CCDC186: variants seen among roughly 807,000 people sequenced by gnomAD.
CCDC186 encodes coiled-coil domain containing 186.
In CCDC186, 49 loss-of-function variants were observed where a neutral mutation model predicts 113.7. That is an observed-to-expected ratio of 0.43 (90% confidence interval 0.34 to 0.55). The LOEUF is 0.55. Among genes scored for constraint, CCDC186 ranks in the 20% least tolerant of loss-of-function variants. CCDC186 has a pLI of 0.02. For missense variants in CCDC186, 890 were observed against 1,011.1 expected (o/e 0.88, Z 1.62); for synonymous variants, 355 against 345.8 (o/e 1.03, Z -0.30).
chr10:114,168,648 A>G (rs2032403315), intron 1 of CCDC186, among the ~76,000 whole-genome samples: 1 of 152,014 alleles, frequency 6.6e-6, no homozygotes, highest in African/African-American at 2.4e-5. Flanking sequence ...CGACCCAACC[A>G]ATCAGCATTC....
At chr10:114,130,864 T>C (rs528369236) in intron 12 of CCDC186, among the ~76,000 whole-genome samples, 6 of 152,302 alleles carry the variant, frequency 3.9e-5, no homozygotes, top group Non-Finnish European at 7.4e-5. Context: ...GCACTTTTTA[T>C]TGACAGGAGT....
rs148914373 is a variant in CCDC186, at chr10:114,139,085, A to G, written c.1222-1795T>C. ...TAGCTTCTCGATAGCGACTAACTCA[A>G]TACTTGCCACATATTAATTGTTCGA... is the stretch of plus-strand genomic sequence containing the variant. On this transcript the variant is annotated intron_variant, in intron 6 of 15. Coordinates refer to ENST00000369287, the MANE Select transcript of CCDC186 (RefSeq NM_018017.4). Among the ~76,000 whole-genome samples, 1,012 of 152,324 alleles carry G rather than the reference A, an allele frequency of 6.6e-3. 3 individuals are homozygous for G. The highest frequency in any genetic ancestry group is 0.011 in the Non-Finnish European group (719 of 68,024).
At chr10:114,142,090 A>C (rs1052557675) in intron 6 of CCDC186, among the ~76,000 whole-genome samples, 1 of 152,232 alleles carries the variant, frequency 6.6e-6, no homozygotes, top group African/African-American at 2.4e-5. Context: ...GCAAATAAGA[A>C]GCCCATTCTG....
chr10:114,126,204 T>C, intron 14 of CCDC186, 99 bp from the exon 15 acceptor site: 2 of 866,966 alleles, frequency 2.3e-6, no homozygotes, highest in Non-Finnish European at 3.6e-6. Flanking sequence ...ATAAAATAAA[T>C]ATTAGGTTAA....
chr10:114,139,822 A>G (rs659280), intron 6 of CCDC186, among the ~76,000 whole-genome samples: 32,180 of 152,118 alleles, frequency 0.21, 3,772 homozygotes, highest in African/African-American at 0.31. Flanking sequence ...AACTTTATAT[A>G]TGTTTTTCTA....
intron 3 of CCDC186, among the ~76,000 whole-genome samples, chr10:114,156,199 TAC>T (rs1301609857): frequency 1.3e-5 from 2 of 152,234 alleles, no homozygotes; most frequent in Non-Finnish European, 2.9e-5. Flanking sequence ...ATTTTACAAA[TAC>T]AGTCACCTTC....
At chr10:114,172,476 C>T (rs983060112) in intron 1 of CCDC186, among the ~76,000 whole-genome samples, 3 of 152,192 alleles carry the variant, frequency 2.0e-5, no homozygotes, top group African/African-American at 7.2e-5. Flanking sequence ...CTGTGATACA[C>T]ACCAGCCAAC....
intron 10 of CCDC186, 67 bp from the exon 11 acceptor site, chr10:114,132,251 A>G (rs1310317568): frequency 8.7e-7 from 1 of 1,150,790 alleles, no homozygotes; most frequent in African/African-American, 1.6e-5. Flanking sequence ...ATGGTTTGGG[A>G]ATTTTCATCT....
intron 13 of CCDC186, 38 bp downstream of exon 13, chr10:114,129,853 C>A (rs769030544): frequency 8.0e-5 from 127 of 1,582,310 alleles, no homozygotes; most frequent in Non-Finnish European, 1.0e-4. Context: ...ATTTTTATAT[C>A]AATCATGAAA....
At chr10:114,152,572 C>T (rs1378145030) in intron 3 of CCDC186, among the ~76,000 whole-genome samples, 2 of 151,782 alleles carry the variant, frequency 1.3e-5, no homozygotes, top group Non-Finnish European at 2.9e-5. Context: ...CAAAAGAAGG[C>T]AGTGAAGGAG....
At chr10:114,165,465 G>A (rs1219450801) in intron 1 of CCDC186, among the ~76,000 whole-genome samples, 1 of 151,684 alleles carries the variant, frequency 6.6e-6, no homozygotes, top group Non-Finnish European at 1.5e-5. Context: ...AGGCCAAGGA[G>A]GGCAGATCAC....
At position 114,131,955 on chromosome 10, in the gene CCDC186, G is replaced by T. The variant is rs1454631559; in HGVS notation, c.1885C>A (p.Gln629Lys). The change falls in exon 11 of 16, where the codon CAA (glutamine) becomes AAA (lysine). Residue 629 changes from glutamine to lysine, a missense_variant. Gln to Lys is a moderately conservative substitution (Grantham distance 53). Transcript: ENST00000369287. ...AAATTAATATTTGTCTGTTTCATTTGTTCACACTGGCTTTGTAACTGACTT... is the reference window on the plus strand; with the variant it reads ...AAATTAATATTTGTCTGTTTCATTTTTTCACACTGGCTTTGTAACTGACTT... ...SESQLQSQCEQMKQTNINLES... is the reference protein window; with the variant it reads ...SESQLQSQCEKMKQTNINLES... The T allele has an allele frequency of 3.1e-6, 5 of 1,609,766 alleles. No homozygotes were observed. Among genetic ancestry groups the T allele is most frequent in the Middle Eastern group, 3.3e-4 (2 of 6,048 alleles).
intron 10 of CCDC186, 111 bp downstream of exon 10, chr10:114,134,802 C>G: frequency 1.8e-6 from 2 of 1,130,436 alleles, no homozygotes; most frequent in South Asian, 2.9e-5. Flanking sequence ...AAAATTTCAG[C>G]TAGTAAAATT....
At chr10:114,152,301 CA>C (rs952468320) in intron 3 of CCDC186, among the ~76,000 whole-genome samples, 9 of 151,152 alleles carry the variant, frequency 6.0e-5, no homozygotes, top group African/African-American at 2.2e-4. Flanking sequence ...GTGATCCCAC[CA>C]TGGTACGCCA....
Position 114,162,618 on chromosome 10 carries a change from A to C in CCDC186, c.632+19T>G, listed in dbSNP as rs371666004. On this transcript the variant is annotated intron_variant, in intron 2 of 15. Coordinates refer to ENST00000369287, the MANE Select transcript of CCDC186 (RefSeq NM_018017.4). Reference sequence around the variant, plus strand: ...GCCTGTGAGGGAAAAAAAATAACCTAAAGGTATAAAAAACTTACTTTTTTA... The same window carrying C: ...GCCTGTGAGGGAAAAAAAATAACCTCAAGGTATAAAAAACTTACTTTTTTA... 210 of 1,504,910 alleles carry C rather than the reference A, an allele frequency of 1.4e-4. 1 individual carries two copies. The African/African-American group carries it at 2.6e-3, about 19-fold the overall frequency. 93.2% of individuals were successfully genotyped at this position (1,504,910 alleles called of 1,614,324 possible). A position where few individuals can be genotyped will look rare whatever the true frequency, so the allele number is the denominator to read the frequency against.
intron 10 of CCDC186, among the ~76,000 whole-genome samples, chr10:114,133,145 T>G (rs1473015096): frequency 6.6e-6 from 1 of 152,166 alleles, no homozygotes; most frequent in Non-Finnish European, 1.5e-5. Context: ...AAATACAAAC[T>G]GTGGCAGTTT....
At position 114,131,271 on chromosome 10, in the gene CCDC186, G is replaced by A. The variant is rs1481071537; in HGVS notation, c.1977C>T (p.Leu659=). 3.7e-6 allele frequency: 6 copies of A among 1,602,542 alleles called. No homozygotes were observed. The highest frequency in any genetic ancestry group is 2.3e-5 in the East Asian group (1 of 44,068). The change falls in exon 12 of 16, where the codon CTC becomes CTT. Residue 659 remains leucine, a synonymous_variant. Transcript: ENST00000369287. ...CTTTAACTTCTGTTTGTCTACAAGC[G>A]AGTTCAGCTTGCAGAGTTTGGACTT... ...KEEVQTLQAE[L]ACRQTEVKAL...
rs544345406 is a variant in CCDC186 at position 114,127,688 on chromosome 10, T to A, written c.2183-17A>T. On this transcript the variant is annotated splice_polypyrimidine_tract_variant and intron_variant, in intron 13 of 15. Coordinates refer to ENST00000369287, the MANE Select transcript of CCDC186 (RefSeq NM_018017.4). ...TCAGGGACCCTGAAGACAAAAAAAA[T>A]TGGTTTAGATACTGTGCTTAATCTA... The A allele has an allele frequency of 6.2e-7, 1 of 1,606,870 alleles. No homozygotes were observed. The highest frequency in any genetic ancestry group is 1.3e-5 in the African/African-American group (1 of 74,664).
rs200793776 is a variant in CCDC186, at chr10:114,125,940, G to A, written c.2559C>T (p.Asn853=). 1.2e-4 allele frequency: 199 copies of A among 1,613,976 alleles called. 1 individual carries two copies. The Middle Eastern group carries it at 5.0e-3, about 40-fold the overall frequency. ...GLTLELSLEI[N]RKLQAVLEDT... ...CCTCCAAAACAGCCTGTAATTTTCGGTTGATTTCCAAAGAGAGCTCCAATG... is the reference window on the plus strand; with the variant it reads ...CCTCCAAAACAGCCTGTAATTTTCGATTGATTTCCAAAGAGAGCTCCAATG... The change falls in exon 15 of 16, where the codon AAC becomes AAT. Residue 853 remains asparagine, a synonymous_variant. Transcript: ENST00000369287.
Sources: allele counts gnomAD v4.1 joint callset (sites outside exome capture counted in the v4.1 genomes callset), GRCh38; gene constraint gnomAD v4.1.1; transcripts MANE v1.5; gene names NCBI Gene and HGNC (gene_info 2026-07-23, HGNC 2026-07-21).